The following CACNA2D3 variants were observed in gnomAD, a reference collection of about 807,000 sequenced individuals.
CACNA2D3 encodes calcium voltage-gated channel auxiliary subunit alpha2delta 3.
CACNA2D3 carries 60 observed loss-of-function variants against 160.6 expected under a neutral mutation model. The ratio of observed to expected loss-of-function variants is 0.37; its 90% CI spans 0.30 to 0.46. CACNA2D3 has a LOEUF of 0.46. Among genes scored for constraint, CACNA2D3 ranks in the 20% least tolerant of loss-of-function variants. The pLI is 1.00. For synonymous variants in CACNA2D3, 558 were observed against 492.9 expected, an observed-to-expected ratio of 1.13 and a Z score of -1.75; for missense variants, 1,205 against 1,365.0, an observed-to-expected ratio of 0.88 and a Z score of 1.85.
chr3:54,805,691 A>T lies in CACNA2D3; in HGVS notation c.1381-11162A>T, dbSNP rs548807374. 3.0e-4 allele frequency among the ~76,000 whole-genome samples: 46 copies of T among 152,366 alleles called. No individual in the cohort carries two copies. The South Asian group carries it at 9.1e-3, about 30-fold the overall frequency. ...AATAGAAAAAGAGTGAATCCTCCCT[A>T]ACTCATTTTATGAGGCCAGCATCAT... is the stretch of plus-strand genomic sequence containing the variant. On this transcript the variant is annotated intron_variant, in intron 13 of 37. Coordinates refer to ENST00000474759, the MANE Select transcript of CACNA2D3 (RefSeq NM_018398.3).
intron 4 of CACNA2D3, among the ~76,000 whole-genome samples, chr3:54,391,271 A>T (rs916332850): frequency 6.6e-6 from 1 of 152,194 alleles, no homozygotes; most frequent in Non-Finnish European, 1.5e-5. Context: ...TCCCCTTGCC[A>T]TCTTTTCAGA....
At chr3:54,627,757 A>G (rs1403895179) in intron 9 of CACNA2D3, 30 bp from the exon 10 acceptor site, 2 of 1,448,080 alleles carry the variant, frequency 1.4e-6, no homozygotes, top group Non-Finnish European at 1.9e-6. Context: ...CAGGACAGAC[A>G]CTAATGGATT....
chr3:54,333,090 T>C (rs900477733), intron 3 of CACNA2D3, among the ~76,000 whole-genome samples: 2 of 151,640 alleles, frequency 1.3e-5, no homozygotes, highest in Non-Finnish European at 2.9e-5. Context: ...GAGAAGAGGA[T>C]AGAGTGGAGA....
intron 27 of CACNA2D3, chr3:54,918,344 T>TTTTC (rs1476338919): frequency 5.2e-6 from 2 of 384,056 alleles, no homozygotes; most frequent in Non-Finnish European, 8.2e-6. Context: ...TTTTTTTTTT[T>TTTTC]TTTTTTTTTT....
At chr3:54,512,793 G>A (rs898997608) in intron 5 of CACNA2D3, among the ~76,000 whole-genome samples, 3 of 152,176 alleles carry the variant, frequency 2.0e-5, no homozygotes, top group Non-Finnish European at 4.4e-5. Flanking sequence ...GTAGGGCTTC[G>A]TATTAGTCTG....
intron 11 of CACNA2D3, among the ~76,000 whole-genome samples, chr3:54,649,420 A>G (rs1047126313): frequency 6.6e-6 from 1 of 152,218 alleles, no homozygotes; most frequent in Non-Finnish European, 1.5e-5. Flanking sequence ...GGCTCCCTCT[A>G]CAGAGGCTCG....
intron 27 of CACNA2D3, among the ~76,000 whole-genome samples, chr3:54,914,091 C>G (rs1441657407): frequency 6.6e-6 from 1 of 152,064 alleles, no homozygotes; most frequent in Non-Finnish European, 1.5e-5. Context: ...CTATGCTAAC[C>G]CCATCTCCTG....
intron 16 of CACNA2D3, among the ~76,000 whole-genome samples, chr3:54,839,172 G>A (rs2106760617): frequency 6.6e-6 from 1 of 152,230 alleles, no homozygotes; most frequent in East Asian, 1.9e-4. Flanking sequence ...GCAGGAGAAT[G>A]GCGTGAACCT....
chr3:54,822,790 C>CTTTTCTTTT (rs1491160047), intron 14 of CACNA2D3, among the ~76,000 whole-genome samples: 1 of 71,912 alleles, frequency 1.4e-5, no homozygotes, highest in African/African-American at 5.8e-5. Context: ...TTCTTTCTTT[C>CTTTTCTTTT]CTTTCTTTCT....
At chr3:54,817,800 C>A (rs1338003595) in intron 14 of CACNA2D3, among the ~76,000 whole-genome samples, 1 of 152,188 alleles carries the variant, frequency 6.6e-6, no homozygotes, top group Admixed American at 6.5e-5. Context: ...CACAATTACT[C>A]AGATATATTT....
At chr3:54,542,269 C>G (rs1701993423) in intron 5 of CACNA2D3, among the ~76,000 whole-genome samples, 1 of 152,010 alleles carries the variant, frequency 6.6e-6, no homozygotes, top group African/African-American at 2.4e-5. Flanking sequence ...ACCATGTTGG[C>G]CAGGATGGTC....
chr3:54,237,960 T>G lies in CACNA2D3; in HGVS notation c.205-82482T>G, dbSNP rs145016017. Among the ~76,000 whole-genome samples the G allele has an allele frequency of 1.2e-4, 19 of 152,314 alleles. No individual in the cohort carries two copies. In the East Asian group the frequency reaches 3.7e-3, roughly 29 times the overall value. On this transcript the variant is annotated intron_variant, in intron 2 of 37. Transcript: ENST00000474759. ...TTTCAGAGACTTGGTTGTGCTGACGTGCTTTGAGTCCCTGGGAGTGGTGTG... is the reference window on the plus strand; with the variant it reads ...TTTCAGAGACTTGGTTGTGCTGACGGGCTTTGAGTCCCTGGGAGTGGTGTG...
At chr3:54,459,648 G>C (rs1169463047) in intron 4 of CACNA2D3, among the ~76,000 whole-genome samples, 1 of 151,848 alleles carries the variant, frequency 6.6e-6, no homozygotes, top group Non-Finnish European at 1.5e-5. Context: ...ATTTGTTTGA[G>C]TTCATTGTAG....
chr3:55,006,658 C>T (rs144326031), intron 32 of CACNA2D3, among the ~76,000 whole-genome samples: 2 of 152,210 alleles, frequency 1.3e-5, no homozygotes, highest in East Asian at 3.9e-4. Flanking sequence ...AGAGATACAC[C>T]AAGTCTGAAA....
chr3:54,150,858 G>T (rs1363570426), intron 2 of CACNA2D3, among the ~76,000 whole-genome samples: 1 of 152,190 alleles, frequency 6.6e-6, no homozygotes, highest in African/African-American at 2.4e-5. Flanking sequence ...ATGGATGAGT[G>T]GGTGTATGGA....
chr3:54,364,251 T>C (rs560847234), intron 3 of CACNA2D3, among the ~76,000 whole-genome samples: 1 of 152,326 alleles, frequency 6.6e-6, no homozygotes, highest in East Asian at 1.9e-4. Context: ...AGCTCAAACA[T>C]TGCCTGAAAC....
intron 3 of CACNA2D3, among the ~76,000 whole-genome samples, chr3:54,355,355 G>T (rs1273747280): frequency 6.6e-6 from 1 of 152,350 alleles, no homozygotes; most frequent in African/African-American, 2.4e-5. Context: ...TCCGGCTGCT[G>T]TATAGAGACT....
At chr3:55,072,879 G>A (rs1704843708) in intron 35 of CACNA2D3, among the ~76,000 whole-genome samples, 1 of 152,188 alleles carries the variant, frequency 6.6e-6, no homozygotes, top group South Asian at 2.1e-4. Context: ...CTTGGGCTCT[G>A]GGAAGTGTGG....
intron 34 of CACNA2D3, among the ~76,000 whole-genome samples, chr3:55,016,203 C>T (rs1703323033): frequency 6.6e-6 from 1 of 152,128 alleles, no homozygotes; most frequent in Admixed American, 6.5e-5. Context: ...AGAGAGGCAG[C>T]CATTTGCTTG....
Sources: allele counts gnomAD v4.1 joint callset (sites outside exome capture counted in the v4.1 genomes callset), GRCh38; gene constraint gnomAD v4.1.1; transcripts MANE v1.5; gene names NCBI Gene and HGNC (gene_info 2026-07-23, HGNC 2026-07-21).